EP300: variants seen among roughly 807,000 people sequenced by gnomAD.
The protein encoded by EP300 is EP300 lysine acetyltransferase, also known as histone acetyltransferase p300.
Under a neutral mutation model 264.0 loss-of-function variants are expected in EP300, and 31 were observed. The observed-to-expected ratio is 0.12, with a 90% CI of 0.09 to 0.16. The LOEUF (loss-of-function observed/expected upper bound fraction) is 0.16, where lower values mean the gene tolerates loss of function less well. Among genes scored for constraint, EP300 ranks in the 10% least tolerant of loss-of-function variants. EP300 has a pLI of 1.00. For synonymous variants in EP300, 1,340 were observed against 1,045.4 expected (o/e 1.28, Z -5.44); for missense variants, 2,766 against 3,052.9 (o/e 0.91, Z 2.21).
chr22:41,167,133 G>A (rs985748064), intron 23 of EP300, among the ~76,000 whole-genome samples: 12 of 152,190 alleles, frequency 7.9e-5, no homozygotes, highest in African/African-American at 2.9e-4. Flanking sequence ...GTGTAGCTGG[G>A]ACTACAGGCA....
intron 11 of EP300, 79 bp downstream of exon 11, chr22:41,146,895 G>A (rs1010406380): frequency 5.2e-5 from 64 of 1,231,736 alleles, no homozygotes; most frequent in Admixed American, 4.8e-4. Flanking sequence ...CTGAACACCC[G>A]CTTTATGCCA....
chr22:41,109,871 T>G (rs1031293619), intron 1 of EP300, among the ~76,000 whole-genome samples: 1 of 150,546 alleles, frequency 6.6e-6, no homozygotes, highest in East Asian at 2.0e-4. Context: ...TGGAGTGCAA[T>G]GGCGTGATCT....
intron 6 of EP300, among the ~76,000 whole-genome samples, chr22:41,134,606 G>A (rs1484277569): frequency 6.6e-6 from 1 of 152,170 alleles, no homozygotes; most frequent in Non-Finnish European, 1.5e-5. Context: ...TGTGGCCCAG[G>A]CTGGTCTTGA....
chr22:41,096,204 T>TA (rs1482825001), intron 1 of EP300, among the ~76,000 whole-genome samples: 1 of 152,174 alleles, frequency 6.6e-6, no homozygotes, highest in Non-Finnish European at 1.5e-5. Flanking sequence ...ACTTTTTTTG[T>TA]AAAAATGACC....
chr22:41,149,858 C>T lies in EP300; in HGVS notation c.2477C>T (p.Ala826Val). The part of the protein sequence containing the change: ...HIHCPQLPQP[A>V]LHQNSPSPVP... ...CACTGTCCCCAGCTTCCTCAACCAG[C>T]TCTTCATCAGAATTCACCCTCGCCT... The change falls in exon 14 of 31, where the codon GCT becomes GTT. Residue 826 changes from alanine (A) to valine (V), a missense_variant. Transcript: ENST00000263253. The T allele has an allele frequency of 6.2e-7, 1 of 1,614,114 alleles. No homozygotes were observed. The highest frequency in any genetic ancestry group is 8.5e-7 in the Non-Finnish European group (1 of 1,180,008).
intron 23 of EP300, among the ~76,000 whole-genome samples, chr22:41,167,282 C>T (rs2059139961): frequency 1.3e-5 from 2 of 151,966 alleles, no homozygotes; most frequent in African/African-American, 4.8e-5. Flanking sequence ...CAGGCGTGAA[C>T]CACCATGCCC....
chr22:41,101,403 C>G (rs972460141), intron 1 of EP300, among the ~76,000 whole-genome samples: 5 of 150,128 alleles, frequency 3.3e-5, no homozygotes, highest in African/African-American at 1.2e-4. Context: ...TTTTCATTTT[C>G]TTACATGGAT....
At chr22:41,123,700 T>C (rs937723723) in intron 2 of EP300, among the ~76,000 whole-genome samples, 7 of 152,216 alleles carry the variant, frequency 4.6e-5, no homozygotes, top group East Asian at 1.9e-4. Flanking sequence ...GTAGTGATGA[T>C]GACTTGTAGT....
chr22:41,099,870 G>A (rs1048034488), intron 1 of EP300, among the ~76,000 whole-genome samples: 2 of 152,172 alleles, frequency 1.3e-5, no homozygotes, highest in African/African-American at 4.8e-5. Context: ...TACATTAGAC[G>A]GAGGGGAGAT....
At chr22:41,131,882 T>A (rs949184189) in intron 6 of EP300, among the ~76,000 whole-genome samples, 19 of 152,118 alleles carry the variant, frequency 1.2e-4, no homozygotes, top group African/African-American at 4.6e-4. Flanking sequence ...CATATGTTAT[T>A]CCACAACAAA....
chr22:41,114,327 A>T (rs895897897), intron 1 of EP300, among the ~76,000 whole-genome samples: 2 of 152,132 alleles, frequency 1.3e-5, no homozygotes, highest in Non-Finnish European at 2.9e-5. Flanking sequence ...GACCACAGGT[A>T]CAGGCCACTA....
chr22:41,108,423 A>AT (rs2058770603), intron 1 of EP300, among the ~76,000 whole-genome samples: 1 of 151,106 alleles, frequency 6.6e-6, no homozygotes, highest in African/African-American at 2.4e-5. Context: ...TAATTTTCGT[A>AT]TTTTTTTGTT....
chr22:41,101,461 G>C (rs1304519746), intron 1 of EP300, among the ~76,000 whole-genome samples: 1 of 148,716 alleles, frequency 6.7e-6, no homozygotes, highest in Non-Finnish European at 1.5e-5. Flanking sequence ...ACCCAGGCTA[G>C]AGTGCAGTGA....
At position 41,120,056 on chromosome 22, in the gene EP300, T is replaced by G. The variant is rs186454434; in HGVS notation, c.729+2235T>G. Among the ~76,000 whole-genome samples the G allele has an allele frequency of 4.6e-5, 7 of 152,278 alleles. No individual in the cohort carries two copies. In the East Asian group the frequency reaches 1.2e-3, roughly 25 times the overall value. On this transcript the variant is annotated intron_variant, in intron 2 of 30. Transcript: ENST00000263253. Reference sequence around the variant, plus strand: ...TGTGAACTCCTGACCTCAAGTGATCTGCCCACCTCGGCCTCCCAAAGTGTT... The same window carrying G: ...TGTGAACTCCTGACCTCAAGTGATCGGCCCACCTCGGCCTCCCAAAGTGTT...
intron 1 of EP300, among the ~76,000 whole-genome samples, chr22:41,106,373 T>C (rs186846685): frequency 5.9e-5 from 9 of 152,358 alleles, no homozygotes; most frequent in Admixed American, 1.3e-4. Context: ...ATTCTTTTTT[T>C]GTTTCATTTT....
At chr22:41,143,477 C>G (rs973156618) in intron 10 of EP300, among the ~76,000 whole-genome samples, 1 of 151,976 alleles carries the variant, frequency 6.6e-6, no homozygotes, top group Non-Finnish European at 1.5e-5. Context: ...GGTTTGTAAA[C>G]TTTGAAAAAA....
intron 6 of EP300, among the ~76,000 whole-genome samples, chr22:41,132,582 C>A (rs1486121991): frequency 2.0e-5 from 3 of 152,054 alleles, no homozygotes; most frequent in African/African-American, 7.2e-5. Context: ...CTACTGCACC[C>A]GGCCCAACAA....
At position 41,125,875 on chromosome 22, in the gene EP300, G is replaced by A. The variant is rs2145707419; in HGVS notation, c.741G>A (p.Met247Ile). ...RGPQPLKMGM[M>I]NNPNPYGSPY... ...TTTCTTACTCTTAGATGGGAATGATGAACAACCCCAATCCTTATGGTTCAC... is the reference window on the plus strand; with the variant it reads ...TTTCTTACTCTTAGATGGGAATGATAAACAACCCCAATCCTTATGGTTCAC... The change falls in exon 3 of 31, where the codon ATG becomes ATA. Residue 247 changes from methionine to isoleucine, a missense_variant. Met to Ile is a conservative substitution (Grantham distance 10). Transcript: ENST00000263253. The A allele has an allele frequency of 1.9e-6, 3 of 1,614,048 alleles. No individual in the cohort carries two copies. Among genetic ancestry groups the A allele is most frequent in the Non-Finnish European group, 2.5e-6 (3 of 1,179,930 alleles).
chr22:41,108,214 G>A (rs1010825734), intron 1 of EP300: 3 of 144,052 alleles, frequency 2.1e-5, no homozygotes, highest in Admixed American at 6.9e-5. Flanking sequence ...GGTAAACCAT[G>A]TATTAGGCTA....
Sources: allele counts gnomAD v4.1 joint callset (sites outside exome capture counted in the v4.1 genomes callset), GRCh38; gene constraint gnomAD v4.1.1; transcripts MANE v1.5; gene names NCBI Gene and HGNC (gene_info 2026-07-23, HGNC 2026-07-21).